The following TBC1D23 variants were observed in gnomAD, a reference collection of about 807,000 sequenced individuals.
The protein encoded by TBC1D23 is HCV non-structural protein 4A-transactivated protein 1.
A neutral mutation model predicts 91.4 loss-of-function variants in TBC1D23; 55 were observed. The ratio of observed to expected loss-of-function variants is 0.60; its 90% confidence interval spans 0.48 to 0.75. TBC1D23 has a LOEUF of 0.75. Ranked by LOEUF, TBC1D23 falls within the 30% of genes least tolerant of loss-of-function variation. TBC1D23 has a pLI of 0.00. For synonymous variants in TBC1D23, 289 were observed against 281.0 expected, an observed-to-expected ratio of 1.03 and a Z score of -0.28; for missense variants, 725 against 836.1, an observed-to-expected ratio of 0.87 and a Z score of 1.64.
intron 18 of TBC1D23, among the ~76,000 whole-genome samples, chr3:100,321,224 G>A (rs927131038): frequency 1.3e-5 from 2 of 152,176 alleles, no homozygotes; most frequent in East Asian, 1.9e-4. Context: ...TTGTTAATCT[G>A]TACCAGTGCT....
intron 4 of TBC1D23, among the ~76,000 whole-genome samples, chr3:100,286,848 G>A (rs930831401): frequency 1.3e-5 from 2 of 151,774 alleles, no homozygotes; most frequent in African/African-American, 4.8e-5. Context: ...ACAGAGTCTC[G>A]CTCTGTTGCC....
intron 1 of TBC1D23, among the ~76,000 whole-genome samples, chr3:100,266,889 G>A (rs1326705973): frequency 1.3e-5 from 2 of 152,118 alleles, no homozygotes; most frequent in Non-Finnish European, 2.9e-5. Flanking sequence ...ATTCTTTTTG[G>A]TATAAAGACA....
rs529365556 is a variant in TBC1D23 at position 100,271,542 on chromosome 3, G to GT, written c.54-8106dup. ...CAGTCTTAGGCTAGAGAAGAGATACGTAAGTCTCCTGTGGATACAGGAAAG... is the reference window on the plus strand; with the variant it reads ...CAGTCTTAGGCTAGAGAAGAGATACGTTAAGTCTCCTGTGGATACAGGAAAG... On this transcript the variant is annotated intron_variant, in intron 1 of 18. Coordinates refer to ENST00000394144, the MANE Select transcript of TBC1D23 (RefSeq NM_001199198.3). Among the ~76,000 whole-genome samples the GT allele has an allele frequency of 5.9e-3, 901 of 152,256 alleles. 12 individuals are homozygous for GT. Among genetic ancestry groups the GT allele is most frequent in the African/African-American group, 0.021 (871 of 41,540 alleles).
At chr3:100,280,623 CAG>C (rs2067686182) in intron 2 of TBC1D23, among the ~76,000 whole-genome samples, 1 of 152,246 alleles carries the variant, frequency 6.6e-6, no homozygotes, top group East Asian at 1.9e-4. Context: ...ACATATGTAA[CAG>C]AAATGGAATT....
At chr3:100,292,642 C>G (rs1273524827) in intron 5 of TBC1D23, among the ~76,000 whole-genome samples, 3 of 152,178 alleles carry the variant, frequency 2.0e-5, no homozygotes, top group African/African-American at 7.2e-5. Context: ...TCTGGTCTCT[C>G]AGGCTGCAGT....
chr3:100,265,759 C>T (rs1365714459), intron 1 of TBC1D23, among the ~76,000 whole-genome samples: 1 of 151,918 alleles, frequency 6.6e-6, no homozygotes, highest in Admixed American at 6.6e-5. Context: ...ATTGCTAAAC[C>T]TTTCTTAAGT....
intron 1 of TBC1D23, among the ~76,000 whole-genome samples, chr3:100,271,676 A>C (rs1221841188): frequency 6.6e-6 from 1 of 152,200 alleles, no homozygotes; most frequent in Non-Finnish European, 1.5e-5. Context: ...TGGAGTCATA[A>C]GTAAAGTCAC....
Position 100,314,017 on chromosome 3 carries a change from T to C in TBC1D23, c.1599-2082T>C, listed in dbSNP as rs187875485. On this transcript the variant is annotated intron_variant, in intron 15 of 18. Transcript: ENST00000394144. ...TGTAATTTCCAAAGAATATTTGTTA[T>C]ACACTAAACTCTCATTATATTTATT... is the stretch of plus-strand genomic sequence containing the variant. Among the ~76,000 whole-genome samples the C allele has an allele frequency of 1.3e-4, 20 of 151,772 alleles. No homozygotes were observed. The East Asian group carries it at 3.9e-3, about 29-fold the overall frequency.
intron 1 of TBC1D23, among the ~76,000 whole-genome samples, chr3:100,273,164 T>TCC (rs2067614885): frequency 6.6e-6 from 1 of 152,184 alleles, no homozygotes; most frequent in African/African-American, 2.4e-5. Context: ...CCTGCAGCCT[T>TCC]CCGCAGTGTT....
intron 10 of TBC1D23, among the ~76,000 whole-genome samples, chr3:100,301,123 G>A (rs943592152): frequency 6.6e-6 from 1 of 152,004 alleles, no homozygotes; most frequent in African/African-American, 2.4e-5. Context: ...AAATTGTTTT[G>A]ATGAGGTGTG....
chr3:100,310,619 T>C, intron 14 of TBC1D23, 77 bp downstream of exon 14: 1 of 1,126,188 alleles, frequency 8.9e-7, no homozygotes, highest in South Asian at 1.7e-5. Context: ...AAGTAAATGT[T>C]AGTTGAATTT....
chr3:100,272,656 C>T (rs921931829), intron 1 of TBC1D23, among the ~76,000 whole-genome samples: 1 of 152,086 alleles, frequency 6.6e-6, no homozygotes, highest in Non-Finnish European at 1.5e-5. Flanking sequence ...CTCTGAGTTC[C>T]CTTAGTATTT....
At chr3:100,314,318 G>A (rs185455793) in intron 15 of TBC1D23, among the ~76,000 whole-genome samples, 1 of 151,812 alleles carries the variant, frequency 6.6e-6, no homozygotes, top group African/African-American at 2.4e-5. Flanking sequence ...GGATAGTCTC[G>A]ATCTCCTGAC....
At chr3:100,298,129 C>T in intron 9 of TBC1D23, 84 bp downstream of exon 9, 3 of 1,216,332 alleles carry the variant, frequency 2.5e-6, no homozygotes, top group South Asian at 1.5e-5. Context: ...TTGATTCCCA[C>T]AAAATCAATT....
rs543471784 is a variant in TBC1D23, at chr3:100,279,329, T to C, written c.54-320T>C. On this transcript the variant is annotated intron_variant, in intron 1 of 18. Coordinates refer to ENST00000394144, the MANE Select transcript of TBC1D23 (RefSeq NM_001199198.3). ...TAGTGCCCCACACATAGTTGCTATGTAAAGTTATTACCACCACCAGGAATA... is the reference window on the plus strand; with the variant it reads ...TAGTGCCCCACACATAGTTGCTATGCAAAGTTATTACCACCACCAGGAATA... The C allele has an allele frequency of 5.1e-5, 10 of 195,740 alleles. No homozygotes were observed. The South Asian group carries it at 7.4e-4, about 15-fold the overall frequency. The allele number at this position is 195,740 out of a possible 1,614,324, so 12.1% of individuals were successfully genotyped here. A position where few individuals can be genotyped will look rare whatever the true frequency, so the allele number is the denominator to read the frequency against.
intron 11 of TBC1D23, 55 bp from the exon 12 acceptor site, chr3:100,304,791 A>C: frequency 1.1e-6 from 1 of 871,246 alleles, no homozygotes; most frequent in Non-Finnish European, 2.0e-6. Flanking sequence ...GAACTAGCTA[A>C]AGTTTTAATT....
At chr3:100,312,643 T>C (rs1705645157) in intron 15 of TBC1D23, among the ~76,000 whole-genome samples, 1 of 152,146 alleles carries the variant, frequency 6.6e-6, no homozygotes, top group African/African-American at 2.4e-5. Flanking sequence ...ACAGAATTTT[T>C]CAGCAATTTA....
chr3:100,288,582 A>G (rs1204771244), intron 4 of TBC1D23, among the ~76,000 whole-genome samples: 1 of 152,232 alleles, frequency 6.6e-6, no homozygotes, highest in Admixed American at 6.5e-5. Context: ...AAATGAAATA[A>G]CTTTGTAAAA....
intron 17 of TBC1D23, among the ~76,000 whole-genome samples, chr3:100,319,945 T>C (rs1346086213): frequency 6.6e-6 from 1 of 152,144 alleles, no homozygotes; most frequent in African/African-American, 2.4e-5. Context: ...CTAAAAATTT[T>C]TGTAAATTAA....
Sources: allele counts gnomAD v4.1 joint callset (sites outside exome capture counted in the v4.1 genomes callset), GRCh38; gene constraint gnomAD v4.1.1; transcripts MANE v1.5; gene names NCBI Gene and HGNC (gene_info 2026-07-23, HGNC 2026-07-21).